ECE1: variants seen among roughly 807,000 people sequenced by gnomAD.
The protein encoded by ECE1 is endothelin converting enzyme 1.
In ECE1, 35 loss-of-function variants were observed where a neutral mutation model predicts 98.6. That is an observed-to-expected ratio of 0.35 (90% CI 0.27 to 0.47). The LOEUF is 0.47. ECE1 is among the 20% of genes least tolerant of loss of function. The probability of loss-of-function intolerance (pLI) is 1.00; values close to 1 mark genes in which losing one functional copy is unlikely to be tolerated. For missense variants in ECE1, 814 were observed against 1,025.3 expected (o/e 0.79, Z 2.81); for synonymous variants, 394 against 407.1 (o/e 0.97, Z 0.39).
chr1:21,243,569 C>A lies in ECE1; in HGVS notation c.1278+1420G>T, dbSNP rs181207909. On this transcript the variant is annotated intron_variant, in intron 10 of 18. Coordinates refer to ENST00000374893, the MANE Select transcript of ECE1 (RefSeq NM_001397.3). Reference sequence around the variant, plus strand: ...ATGAAAGTCCCTTCACCTCCCTGAGCCTCAGTTTCCTCATCTGTAACCTGG... The same window carrying A: ...ATGAAAGTCCCTTCACCTCCCTGAGACTCAGTTTCCTCATCTGTAACCTGG... 1.1e-3 allele frequency among the ~76,000 whole-genome samples: 166 copies of A among 152,316 alleles called. 4 individuals carry two copies. The highest frequency in any genetic ancestry group is 9.5e-3 in the Admixed American group (145 of 15,298).
At chr1:21,284,722 G>A (rs1481410364) in intron 2 of ECE1, among the ~76,000 whole-genome samples, 1 of 152,188 alleles carries the variant, frequency 6.6e-6, no homozygotes, top group African/African-American at 2.4e-5. Context: ...TGGGGCCCAC[G>A]AGACAAGCCG....
chr1:21,264,260 C>T lies in ECE1; in HGVS notation c.494-3868G>A, dbSNP rs567292733. ...CCTGGTCTGGGGAGTCTGTAGAGTGCATTGTCTTGAACTCCTTTTAGTCCA... is the reference window on the plus strand; with the variant it reads ...CCTGGTCTGGGGAGTCTGTAGAGTGTATTGTCTTGAACTCCTTTTAGTCCA... On this transcript the variant is annotated intron_variant, in intron 4 of 18. Transcript: ENST00000374893. Among the ~76,000 whole-genome samples, 95 of 151,550 alleles carry T rather than the reference C, an allele frequency of 6.3e-4. 2 individuals are homozygous for T. In the South Asian group the frequency reaches 0.018, roughly 28 times the overall value.
intron 4 of ECE1, among the ~76,000 whole-genome samples, chr1:21,262,842 C>T (rs753196407): frequency 7.9e-5 from 12 of 152,238 alleles, no homozygotes; most frequent in Admixed American, 5.9e-4. Context: ...CTGGGTGCCA[C>T]GCTCACTTGC....
Position 21,337,870 on chromosome 1 carries a change from C to T in ECE1, c.3+7506G>A, listed in dbSNP as rs142535670. Among the ~76,000 whole-genome samples, 1,221 of 152,316 alleles carry T rather than the reference C, an allele frequency of 8.0e-3. 10 individuals carry two copies. Among genetic ancestry groups the T allele is most frequent in the Non-Finnish European group, 0.012 (840 of 68,022 alleles). On this transcript the variant is annotated intron_variant, in intron 1 of 18. Transcript: ENST00000415912. ...GTCTCCAAGGCCCACTCCTGCTGCA[C>T]GGGCAGATCCCGCCTCCCTGCCCTC...
chr1:21,257,632 T>C (rs771639301), intron 6 of ECE1, 42 bp from the exon 7 acceptor site: 36 of 1,606,206 alleles, frequency 2.2e-5, no homozygotes, highest in Non-Finnish European at 2.8e-5. Flanking sequence ...CGTGTTGCAA[T>C]GCGTGTATCC....
At chr1:21,285,850 C>T (rs1039276498) in intron 2 of ECE1, among the ~76,000 whole-genome samples, 9 of 151,624 alleles carry the variant, frequency 5.9e-5, no homozygotes, top group East Asian at 1.9e-4. Context: ...AAATTAGTCA[C>T]GCATGGTGGC....
intron 3 of ECE1, among the ~76,000 whole-genome samples, chr1:21,278,972 T>C (rs555183211): frequency 5.9e-5 from 9 of 152,280 alleles, no homozygotes; most frequent in African/African-American, 1.9e-4. Context: ...AGTAAGTTGC[T>C]GGGACAGGAT....
Position 21,233,587 on chromosome 1 carries a change from A to G in ECE1, c.1641T>C (p.Asp547=), listed in dbSNP as rs2228321. Residue 547 remains aspartate, a synonymous_variant, in exon 14 of 19, where the codon GAT becomes GAC. Coordinates refer to ENST00000374893, the MANE Select transcript of ECE1 (RefSeq NM_001397.3). The surrounding 1 kb of genome is among the most constrained non-coding windows in gnomAD (Gnocchi z 4.0). ...CTCTGTTGGGGGCTTTCCTGAGCTG[A>G]TCGGCAGTGACCCTCCATGAGAAGT... ...FFNFSWRVTA[D]QLRKAPNRDQ... is the part of the protein sequence containing the mutation. 0.055 allele frequency: 87,985 copies of G among 1,613,554 alleles called. 7,002 individuals carry two copies. Among genetic ancestry groups the G allele is most frequent in the African/African-American group, 0.39 (28,864 of 74,916 alleles).
chr1:21,259,487 A>C (rs922432221), intron 5 of ECE1, among the ~76,000 whole-genome samples: 2 of 151,816 alleles, frequency 1.3e-5, no homozygotes, highest in Non-Finnish European at 2.9e-5. Context: ...GCTGGTCTTA[A>C]ACTCCTGGCT....
Position 21,340,953 on chromosome 1 carries a change from C to T in ECE1, c.3+4423G>A, listed in dbSNP as rs1287344710. On this transcript the variant is annotated intron_variant, in intron 1 of 18. Coordinates refer to the ECE1 transcript ENST00000415912. The surrounding 1 kb of genome is among the most constrained non-coding windows in gnomAD (Gnocchi z 4.6). The stretch of plus-strand genomic sequence containing the variant: ...CTGAGTGCACCCTCCGGGCCACCTC[C>T]TAAGCACAGTCCTCCGTGCCTCCAG... Among the ~76,000 whole-genome samples the T allele has an allele frequency of 1.3e-5, 2 of 152,212 alleles. No individual in the cohort carries two copies. Among genetic ancestry groups the T allele is most frequent in the African/African-American group, 2.4e-5 (1 of 41,436 alleles).
intron 11 of ECE1, among the ~76,000 whole-genome samples, chr1:21,237,238 C>A (rs2098189466): frequency 6.6e-6 from 1 of 152,148 alleles, no homozygotes. Flanking sequence ...ATGGAGCGGG[C>A]TTTAAGATCT....
upstream of ECE1, among the ~76,000 whole-genome samples, chr1:21,291,082 G>A (rs546295148): frequency 2.0e-5 from 3 of 152,176 alleles, no homozygotes; most frequent in South Asian, 2.1e-4. Context: ...AAGCCAGGAA[G>A]GGGACCCTTC....
intron 1 of ECE1, among the ~76,000 whole-genome samples, chr1:21,301,161 T>C (rs1638473784): frequency 6.6e-6 from 1 of 152,188 alleles, no homozygotes; most frequent in African/African-American, 2.4e-5. Context: ...CAAGCTTCCC[T>C]AGGCTGGCTT....
chr1:21,287,140 C>G (rs940698274), intron 2 of ECE1, among the ~76,000 whole-genome samples: 6 of 152,194 alleles, frequency 3.9e-5, no homozygotes, highest in Admixed American at 3.3e-4. Context: ...AACGAATGGA[C>G]TTCAAAATCT....
intron 10 of ECE1, among the ~76,000 whole-genome samples, chr1:21,241,325 C>T (rs924674346): frequency 2.0e-5 from 3 of 152,036 alleles, no homozygotes; most frequent in African/African-American, 4.8e-5. Context: ...TGTGAGCCAC[C>T]GCACCCAGTC....
At chr1:21,286,872 C>T (rs542503861) in intron 2 of ECE1, among the ~76,000 whole-genome samples, 41 of 150,748 alleles carry the variant, frequency 2.7e-4, no homozygotes, top group Non-Finnish European at 5.2e-4. Context: ...GCCCAGATTG[C>T]GCCACTGCAC....
At chr1:21,224,999 C>T (rs575248592) in intron 17 of ECE1, among the ~76,000 whole-genome samples, 56 of 152,298 alleles carry the variant, frequency 3.7e-4, no homozygotes, top group Non-Finnish European at 3.5e-4. Flanking sequence ...GGATGAAGCC[C>T]GAGCCCCTTC....
intron 3 of ECE1, among the ~76,000 whole-genome samples, chr1:21,274,049 G>GACTTT (rs2103326563): frequency 6.6e-6 from 1 of 152,356 alleles, no homozygotes; most frequent in South Asian, 2.1e-4. Context: ...TGACCAAAGG[G>GACTTT]ACTTTACTGA....
intron 16 of ECE1, among the ~76,000 whole-genome samples, chr1:21,226,122 C>T (rs933659659): frequency 2.6e-5 from 4 of 152,178 alleles, no homozygotes; most frequent in East Asian, 1.9e-4. Context: ...CTTCCATCTC[C>T]GCCCGGGAGT....
Sources: allele counts gnomAD v4.1 joint callset (sites outside exome capture counted in the v4.1 genomes callset), GRCh38; gene constraint gnomAD v4.1.1; non-coding constraint Gnocchi (gnomAD v3.1); transcripts MANE v1.5; gene names NCBI Gene and HGNC (gene_info 2026-07-23, HGNC 2026-07-21).